COL14A1: variants seen among roughly 807,000 people sequenced by gnomAD.
The protein encoded by COL14A1 is collagen type XIV alpha 1 chain, also known as collagen alpha-1(XIV) chain.
A neutral mutation model predicts 230.3 loss-of-function variants in COL14A1; 136 were observed. The ratio of observed to expected loss-of-function variants is 0.59; its 90% CI spans 0.51 to 0.68. The LOEUF (loss-of-function observed/expected upper bound fraction) is 0.68, where lower values mean the gene tolerates loss of function less well. COL14A1 is among the 30% of genes least tolerant of loss of function. The pLI is 0.00. For synonymous variants in COL14A1, 792 were observed against 784.1 expected (o/e 1.01, Z -0.17); for missense variants, 1,976 against 2,215.8 (o/e 0.89, Z 2.17).
At chr8:120,241,132 T>C (rs1818594932) in intron 19 of COL14A1, among the ~76,000 whole-genome samples, 2 of 152,254 alleles carry the variant, frequency 1.3e-5, no homozygotes, top group Admixed American at 1.3e-4. Flanking sequence ...GACTGCATGA[T>C]AGTTTCAGAT....
intron 11 of COL14A1, among the ~76,000 whole-genome samples, chr8:120,209,038 G>T (rs895417906): frequency 1.3e-5 from 2 of 152,104 alleles, no homozygotes; most frequent in African/African-American, 4.8e-5. Context: ...TAATCACAAT[G>T]CGCCAGGCAC....
rs762891720 is a variant in COL14A1, at chr8:120,158,141, A to G, written c.100A>G (p.Thr34Ala). ...TIVQGQVAPP[T>A]RLRYNVISHD... ...TTCTTCCTTTTCAGTGGCTCCACCCACAAGGTTAAGATATAATGTAATATC... is the reference window on the plus strand; with the variant it reads ...TTCTTCCTTTTCAGTGGCTCCACCCGCAAGGTTAAGATATAATGTAATATC... Residue 34 changes from threonine to alanine, a missense_variant, in exon 3 of 48, where the codon ACA (threonine) becomes GCA (alanine). By Grantham distance (58) the Thr-to-Ala change is moderately conservative. Coordinates refer to ENST00000297848, the MANE Select transcript of COL14A1 (RefSeq NM_021110.4). 2.5e-6 allele frequency: 4 copies of G among 1,572,010 alleles called. No homozygotes were observed. Among genetic ancestry groups the G allele is most frequent in the African/African-American group, 2.7e-5 (2 of 73,154 alleles).
intron 12 of COL14A1, among the ~76,000 whole-genome samples, chr8:120,211,313 ATGTCAACTC>A (rs988755790): frequency 2.4e-4 from 37 of 152,350 alleles, no homozygotes; most frequent in African/African-American, 8.7e-4. Context: ...GGAATTAATG[ATGTCAACTC>A]TGTCCTTATG....
intron 5 of COL14A1, among the ~76,000 whole-genome samples, chr8:120,175,037 TAA>T (rs1816232814): frequency 6.6e-6 from 1 of 152,154 alleles, no homozygotes; most frequent in Admixed American, 6.6e-5. Flanking sequence ...TTTTCTTGTA[TAA>T]GAGTCTACAC....
At chr8:120,364,747 G>A (rs537949641) in intron 45 of COL14A1, among the ~76,000 whole-genome samples, 48 of 152,034 alleles carry the variant, frequency 3.2e-4, no homozygotes, top group Admixed American at 5.2e-4. Flanking sequence ...GCCAAGCGTC[G>A]TGTCACACAC....
chr8:120,262,411 G>T (rs889786735), intron 23 of COL14A1, among the ~76,000 whole-genome samples: 32 of 152,042 alleles, frequency 2.1e-4, no homozygotes, highest in African/African-American at 7.2e-4. Flanking sequence ...AGTAGAGGTT[G>T]CAATGAGCTG....
At chr8:120,287,053 T>C (rs1322138060) in intron 33 of COL14A1, among the ~76,000 whole-genome samples, 1 of 152,194 alleles carries the variant, frequency 6.6e-6, no homozygotes, top group Admixed American at 6.5e-5. Context: ...AGGCCCTTAC[T>C]GCCCTTTTAA....
intron 2 of COL14A1, among the ~76,000 whole-genome samples, chr8:120,150,439 A>C (rs1815243252): frequency 6.6e-6 from 1 of 152,156 alleles, no homozygotes; most frequent in Non-Finnish European, 1.5e-5. Context: ...TAAGAGAGAA[A>C]AGTTGTCTGC....
intron 5 of COL14A1, among the ~76,000 whole-genome samples, chr8:120,193,855 G>T (rs749553106): frequency 3.3e-5 from 5 of 152,194 alleles, no homozygotes; most frequent in Non-Finnish European, 5.9e-5. Context: ...CTCCGAGCCA[G>T]GTGTGGGATA....
chr8:120,269,744 C>T (rs921401386), intron 25 of COL14A1, among the ~76,000 whole-genome samples: 2 of 151,562 alleles, frequency 1.3e-5, no homozygotes, highest in African/African-American at 4.8e-5. Flanking sequence ...TTTTCCTAGT[C>T]CTTCATTTTC....
chr8:120,168,327 TG>T, intron 5 of COL14A1, 80 bp downstream of exon 5: 1 of 1,001,196 alleles, frequency 1.0e-6, no homozygotes, highest in Non-Finnish European at 1.5e-6. Context: ...GTGGGGTTGC[TG>T]GTCCCATCTA....
chr8:120,183,221 G>A (rs987166067), intron 5 of COL14A1, among the ~76,000 whole-genome samples: 62 of 152,250 alleles, frequency 4.1e-4, no homozygotes, highest in African/African-American at 1.4e-3. Flanking sequence ...TGTATTGGGA[G>A]GAAGTGGGAG....
chr8:120,221,566 A>ACACATG (rs1253684696), intron 14 of COL14A1, among the ~76,000 whole-genome samples: 3 of 151,738 alleles, frequency 2.0e-5, no homozygotes, highest in African/African-American at 4.8e-5. Context: ...ACATGCACAC[A>ACACATG]CACACACACA....
At chr8:120,253,599 G>A (rs1819045122) in intron 22 of COL14A1, among the ~76,000 whole-genome samples, 1 of 152,118 alleles carries the variant, frequency 6.6e-6, no homozygotes, top group South Asian at 2.1e-4. Flanking sequence ...TATTTTGTGT[G>A]GTTACATAAA....
rs1003166047 is a variant in COL14A1 at position 120,263,014 on chromosome 8, C to A, written c.3016C>A (p.Gln1006Lys). 1 of 1,602,492 alleles carries A rather than the reference C, an allele frequency of 6.2e-7. No homozygotes were observed. ...GPSVSIMEKT[Q>K]SLPTRPPTFP... ...TAGTGTGAGCATAATGGAAAAAACA[C>A]GTAAGTCATGTGTGTTCTCTCCTGA... The change falls in exon 24 of 48, where the codon CAA becomes AAA. Residue 1006 changes from glutamine (Q) to lysine (K), a missense_variant and splice_region_variant. By Grantham distance (53) the Gln-to-Lys change is moderately conservative (BLOSUM62 1). Coordinates refer to ENST00000297848, the MANE Select transcript of COL14A1 (RefSeq NM_021110.4).
At chr8:120,198,853 T>G (rs1288710010) in intron 7 of COL14A1, among the ~76,000 whole-genome samples, 1 of 152,222 alleles carries the variant, frequency 6.6e-6, no homozygotes, top group Non-Finnish European at 1.5e-5. Context: ...CGTGGAATTT[T>G]TGTTAATGCA....
At position 120,158,147 on chromosome 8, in the gene COL14A1, T is replaced by C; in HGVS notation, c.106T>C (p.Leu36=). Reference sequence around the variant, plus strand: ...CTTTTCAGTGGCTCCACCCACAAGGTTAAGATATAATGTAATATCTCATGA... The same window carrying C: ...CTTTTCAGTGGCTCCACCCACAAGGCTAAGATATAATGTAATATCTCATGA... ...VQGQVAPPTR[L]RYNVISHDSI... is the part of the protein sequence containing the mutation. Residue 36 remains leucine, a synonymous_variant, in exon 3 of 48, where the codon TTA becomes CTA. Transcript: ENST00000297848. The C allele has an allele frequency of 6.3e-7, 1 of 1,584,182 alleles. No homozygotes were observed. Among genetic ancestry groups the C allele is most frequent in the South Asian group, 1.2e-5 (1 of 86,710 alleles).
chr8:120,237,462 G>A (rs1322758213), intron 19 of COL14A1, among the ~76,000 whole-genome samples: 1 of 152,122 alleles, frequency 6.6e-6, no homozygotes, highest in Admixed American at 6.5e-5. Context: ...AGCTCCATCA[G>A]GTCATTTATA....
At chr8:120,202,989 AAT>A (rs201356550) in intron 8 of COL14A1, among the ~76,000 whole-genome samples, 13,183 of 106,318 alleles carry the variant, frequency 0.12, 968 homozygotes, top group African/African-American at 0.21. Flanking sequence ...AATAATTTCA[AAT>A]ATATATATAT....
Sources: allele counts gnomAD v4.1 joint callset (sites outside exome capture counted in the v4.1 genomes callset), GRCh38; gene constraint gnomAD v4.1.1; transcripts MANE v1.5; gene names NCBI Gene and HGNC (gene_info 2026-07-23, HGNC 2026-07-21).